The following TNFRSF11A variants were observed in gnomAD, a reference collection of about 807,000 sequenced individuals.
TNFRSF11A encodes TNF receptor superfamily member 11a.
In TNFRSF11A, 32 loss-of-function variants were observed where a neutral mutation model predicts 55.7. The observed-to-expected ratio is 0.57, with a 90% CI of 0.43 to 0.77. TNFRSF11A has a LOEUF of 0.77. TNFRSF11A is among the 30% of genes least tolerant of loss of function. The pLI, the probability that TNFRSF11A is intolerant of heterozygous loss-of-function variation, is 0.00. For synonymous variants in TNFRSF11A, 311 were observed against 331.0 expected (o/e 0.94, Z 0.65); for missense variants, 753 against 809.8 (o/e 0.93, Z 0.85).
intron 1 of TNFRSF11A, chr18:62,336,783 A>G (rs2046240407): frequency 6.6e-6 from 1 of 152,138 alleles, no homozygotes. Context: ...CAGACTCTTC[A>G]CTCTTATCTC....
intron 9 of TNFRSF11A, 62 bp from the exon 10 acceptor site, chr18:62,384,689 G>T (rs578215216): frequency 2.9e-4 from 451 of 1,578,752 alleles, no homozygotes; most frequent in Non-Finnish European, 3.7e-4. Context: ...CCTTCCTCTC[G>T]GCAGACCCTG....
chr18:62,349,027 A>T (rs1018285130), intron 2 of TNFRSF11A, among the ~76,000 whole-genome samples: 2 of 152,112 alleles, frequency 1.3e-5, no homozygotes, highest in Admixed American at 6.5e-5. Context: ...AGTTAACAAG[A>T]AGTTGCCTAT....
At chr18:62,372,176 G>T (rs912964919) in intron 9 of TNFRSF11A, among the ~76,000 whole-genome samples, 36 of 152,256 alleles carry the variant, frequency 2.4e-4, no homozygotes, top group African/African-American at 7.5e-4. Context: ...AAGAAGCAAG[G>T]AGAATGATTA....
At chr18:62,341,086 G>A (rs1475235922) in intron 1 of TNFRSF11A, among the ~76,000 whole-genome samples, 1 of 152,308 alleles carries the variant, frequency 6.6e-6, no homozygotes, top group Non-Finnish European at 1.5e-5. Context: ...ATCATAATTC[G>A]TTTATGTCCT....
At chr18:62,367,788 C>CTTTT (rs67721371) in intron 8 of TNFRSF11A, among the ~76,000 whole-genome samples, 1,792 of 78,718 alleles carry the variant, frequency 0.023, 8 homozygotes, top group East Asian at 0.041. Flanking sequence ...TCTTCTTCTT[C>CTTTT]TTTTTTTTTT....
chr18:62,386,355 T>C lies in TNFRSF11A; in HGVS notation c.*1321T>C, dbSNP rs760351191. ...TAATCGTGCATCTGTGGGTTAGCCT[T>C]GTAGAAGTGGAAAACATTCCATTTT... On this transcript the variant is annotated 3_prime_UTR_variant, in exon 10 of 10. Transcript: ENST00000586569. The C allele has an allele frequency of 7.9e-5, 12 of 152,202 alleles. No homozygotes were observed. Among genetic ancestry groups the C allele is most frequent in the Non-Finnish European group, 1.5e-4 (10 of 68,022 alleles). The allele number at this position is 152,202 out of a possible 1,614,324, so 9.4% of individuals were successfully genotyped here. A position where few individuals can be genotyped will look rare whatever the true frequency, so the allele number is the denominator to read the frequency against.
intron 4 of TNFRSF11A, among the ~76,000 whole-genome samples, chr18:62,356,221 G>T (rs1909244500): frequency 6.6e-6 from 1 of 152,180 alleles, no homozygotes; most frequent in African/African-American, 2.4e-5. Flanking sequence ...GGACAGGGTT[G>T]GGAGAATTAA....
intron 8 of TNFRSF11A, among the ~76,000 whole-genome samples, chr18:62,367,847 G>A (rs1258614137): frequency 1.6e-5 from 2 of 121,520 alleles, no homozygotes; most frequent in Middle Eastern, 6.3e-3. Flanking sequence ...AGGCTTGAGT[G>A]CAATGGCGCA....
At position 62,388,443 on chromosome 18, in the gene TNFRSF11A, C is replaced by T. The variant is rs1035870708; in HGVS notation, c.*3409C>T. On this transcript the variant is annotated 3_prime_UTR_variant, in exon 10 of 10. Coordinates refer to ENST00000586569, the MANE Select transcript of TNFRSF11A (RefSeq NM_003839.4). ...GGGATGGGGGAGCAGCATATCCCCC[C>T]ATGGGAAGAGTTGCGGAATGAGAGG... 4 of 152,376 alleles carry T rather than the reference C, an allele frequency of 2.6e-5. No homozygotes were observed. The highest frequency in any genetic ancestry group is 6.5e-5 in the Admixed American group (1 of 15,292). 9.4% of individuals were successfully genotyped at this position (152,376 alleles called of 1,614,324 possible). A position where few individuals can be genotyped will look rare whatever the true frequency, so the allele number is the denominator to read the frequency against.
chr18:62,348,807 C>G (rs2046422528), intron 2 of TNFRSF11A, among the ~76,000 whole-genome samples: 1 of 152,230 alleles, frequency 6.6e-6, no homozygotes, highest in African/African-American at 2.4e-5. Flanking sequence ...GGGGCCCGCA[C>G]TCTCTCATCA....
rs1182638929 is a variant in TNFRSF11A at position 62,375,092 on chromosome 18, T to TTTG, written c.1567+5610_1567+5611insGTT. Among the ~76,000 whole-genome samples the TTTG allele has an allele frequency of 9.2e-5, 14 of 151,384 alleles. No individual in the cohort carries two copies. In the East Asian group the frequency reaches 1.8e-3, roughly 19 times the overall value. On this transcript the variant is annotated intron_variant, in intron 9 of 9. Transcript: ENST00000586569. ...GCTAATTTTTGTGTGTGTGTTTTTT[T>TTTG]TTTTTTAGAGACTGAGTTTCGTCAT...
Position 62,369,260 on chromosome 18 carries a change from G to T in TNFRSF11A, c.1343G>T (p.Gly448Val), listed in dbSNP as rs1339695564. ...PSPNWADVCT[G>V]CRNPPGEDCE... ...CCCAACTGGGCAGATGTCTGCACAG[G>T]CTGCCGGAACCCTCCTGGGGAGGAC... The change falls in exon 9 of 10, where the codon GGC becomes GTC. Residue 448 changes from glycine to valine, a missense_variant. By Grantham distance (109) the Gly-to-Val change is moderately radical. Transcript: ENST00000586569. The T allele has an allele frequency of 6.2e-7, 1 of 1,613,472 alleles. No individual in the cohort carries two copies. Among genetic ancestry groups the T allele is most frequent in the South Asian group, 1.1e-5 (1 of 91,086 alleles).
In TNFRSF11A at chr18:62,389,580, C is replaced by A. The variant is rs1911916968; in HGVS notation, c.*4546C>A. ...CTTGCTGCTCCTCCTGACCCACCCG[C>A]ATGGCTCTGCACAGCTGTGAGTCCA... is the stretch of plus-strand genomic sequence containing the variant. On this transcript the variant is annotated 3_prime_UTR_variant, in exon 10 of 10. Transcript: ENST00000586569. 1 of 152,306 alleles carries A rather than the reference C, an allele frequency of 6.6e-6. No homozygotes were observed. Among genetic ancestry groups the A allele is most frequent in the African/African-American group, 2.4e-5 (1 of 41,452 alleles). 9.4% of individuals were successfully genotyped at this position (152,306 alleles called of 1,614,324 possible).
At chr18:62,363,024 A>G (rs1321249971) in intron 7 of TNFRSF11A, among the ~76,000 whole-genome samples, 1 of 151,654 alleles carries the variant, frequency 6.6e-6, no homozygotes, top group Non-Finnish European at 1.5e-5. Context: ...TTGTATTTTT[A>G]GTAGAAATGG....
At position 62,368,763 on chromosome 18, in the gene TNFRSF11A, TGAA is replaced by T; in HGVS notation, c.848_850del (p.Glu283del). The T allele has an allele frequency of 6.2e-7, 1 of 1,614,238 alleles. No individual in the cohort carries two copies. Among genetic ancestry groups the T allele is most frequent in the Non-Finnish European group, 8.5e-7 (1 of 1,180,042 alleles). On this transcript the variant is annotated inframe_deletion, in exon 9 of 10. Transcript: ENST00000586569. The stretch of plus-strand genomic sequence containing the variant: ...CAAACTTTGGTCAGCAGGGAGCATG[TGAA>T]GGTGTCTTACTGCTGACTCTGGAGG...
At chr18:62,374,920 T>TG (rs1910784239) in intron 9 of TNFRSF11A, among the ~76,000 whole-genome samples, 1 of 151,820 alleles carries the variant, frequency 6.6e-6, no homozygotes, top group Admixed American at 6.6e-5. Context: ...TTAAGTTTTT[T>TG]TTGAGACAGG....
chr18:62,340,362 G>A (rs1335064757), intron 1 of TNFRSF11A, among the ~76,000 whole-genome samples: 1 of 151,906 alleles, frequency 6.6e-6, no homozygotes, highest in Non-Finnish European at 1.5e-5. Flanking sequence ...GGGTCCACAG[G>A]CACACGCTAC....
Position 62,384,964 on chromosome 18 carries a change from GC to G in TNFRSF11A, c.1785del (p.Glu596ArgfsTer80). ...CCGCGCTTCCCGGACCCGTGCGGCG[GC>G]CCCGAGGGGCTGCGGGAGCCGGAGA... The part of the protein sequence containing the change: ...NGPRFPDPCG[G>X]PEGLREPEKA... On this transcript the variant is annotated frameshift_variant, in exon 10 of 10. Transcript: ENST00000586569. LOFTEE classifies it low-confidence loss of function (END_TRUNC). 6.8e-7 allele frequency: 1 copy of G among 1,479,994 alleles called. No homozygotes were observed. Among genetic ancestry groups the G allele is most frequent in the African/African-American group, 1.5e-5 (1 of 68,504 alleles). 91.7% of individuals were successfully genotyped at this position (1,479,994 alleles called of 1,614,324 possible).
intron 1 of TNFRSF11A, among the ~76,000 whole-genome samples, chr18:62,338,629 C>T (rs940592756): frequency 1.3e-5 from 2 of 152,058 alleles, no homozygotes; most frequent in Admixed American, 1.3e-4. Context: ...GACTCAGAGA[C>T]AGACAGTAGA....
Sources: allele counts gnomAD v4.1 joint callset (sites outside exome capture counted in the v4.1 genomes callset), GRCh38; gene constraint gnomAD v4.1.1; transcripts MANE v1.5; gene names NCBI Gene and HGNC (gene_info 2026-07-23, HGNC 2026-07-21).